CMKLR1: variants seen among roughly 807,000 people sequenced by gnomAD.
The protein encoded by CMKLR1 is chemerin chemokine-like receptor 1.
A neutral mutation model predicts 8.2 loss-of-function variants in CMKLR1; 6 were observed. The observed-to-expected ratio is 0.73, with a 90% CI of 0.40 to 1.44. The LOEUF is 1.44. Ranked by LOEUF, CMKLR1 falls within the 40% of genes most tolerant of loss-of-function variation. The probability of loss-of-function intolerance (pLI) is 0.02; values close to 1 mark genes in which losing one functional copy is unlikely to be tolerated. For synonymous variants in CMKLR1, 178 were observed against 181.2 expected (o/e 0.98, Z 0.14); for missense variants, 429 against 478.0 (o/e 0.90, Z 0.96).
intron 2 of CMKLR1, among the ~76,000 whole-genome samples, chr12:108,301,538 C>G (rs6539421): frequency 0.39 from 58,866 of 152,078 alleles, 11,599 homozygotes; most frequent in East Asian, 0.47. Context: ...CTCCACCAGC[C>G]CCCAGCTCAG....
intron 2 of CMKLR1, among the ~76,000 whole-genome samples, chr12:108,307,956 C>T (rs766294410): frequency 4.6e-5 from 7 of 152,208 alleles, no homozygotes; most frequent in Non-Finnish European, 8.8e-5. Flanking sequence ...AGGTCACAAA[C>T]AATGCCAGTT....
At chr12:108,331,936 G>T (rs1892118405) in intron 1 of CMKLR1, among the ~76,000 whole-genome samples, 1 of 152,188 alleles carries the variant, frequency 6.6e-6, no homozygotes, top group Non-Finnish European at 1.5e-5. Flanking sequence ...AGTTTGTGTT[G>T]TTTTAAGCCA....
intron 2 of CMKLR1, among the ~76,000 whole-genome samples, chr12:108,309,794 T>C (rs1445323100): frequency 6.6e-6 from 1 of 152,226 alleles, no homozygotes; most frequent in Non-Finnish European, 1.5e-5. Context: ...ATAAGCCAGT[T>C]GCAATTTGCC....
intron 1 of CMKLR1, among the ~76,000 whole-genome samples, chr12:108,337,319 TA>T (rs1386639467): frequency 6.6e-6 from 1 of 152,172 alleles, no homozygotes; most frequent in Non-Finnish European, 1.5e-5. Context: ...AGTTATTAGG[TA>T]AACATCTAAG....
At chr12:108,311,208 C>T (rs1891558449) in intron 2 of CMKLR1, among the ~76,000 whole-genome samples, 1 of 152,204 alleles carries the variant, frequency 6.6e-6, no homozygotes, top group African/African-American at 2.4e-5. Context: ...AGTTATACAG[C>T]AAAATGGCGT....
At position 108,292,450 on chromosome 12, in the gene CMKLR1, A is replaced by G. The variant is rs1891010346; in HGVS notation, c.513T>C (p.Ser171=). 6.2e-7 allele frequency: 1 copy of G among 1,613,996 alleles called. No individual in the cohort carries two copies. The highest frequency in any genetic ancestry group is 8.5e-7 in the Non-Finnish European group (1 of 1,180,016). ...MVIWVLAFFL[S]SPSLVFRDTA... ...TGTCCCGGAAGACGAGAGATGGGGA[A>G]CTCAAGAAGAAAGCCAGGACCCAGA... Residue 171 remains serine (S), a synonymous_variant, in exon 4 of 4, where the codon AGT becomes AGC. Transcript: ENST00000550402.
chr12:108,327,388 GA>G (rs1182952038), intron 2 of CMKLR1, among the ~76,000 whole-genome samples: 1 of 152,182 alleles, frequency 6.6e-6, no homozygotes, highest in East Asian at 1.9e-4. Flanking sequence ...GCTGAAGCGG[GA>G]GGATGGCTTG....
chr12:108,311,633 GA>G lies in CMKLR1; in HGVS notation c.-73-17970del, dbSNP rs112742062. Among the ~76,000 whole-genome samples the G allele has an allele frequency of 4.6e-5, 7 of 152,120 alleles. No individual in the cohort carries two copies. The East Asian group carries it at 1.4e-3, about 29-fold the overall frequency. ...AGAGCAAGACTTTGCCTCCTAAAAA[GA>G]AAAAAAGTGCCAGGGAAAGGACGCT... On this transcript the variant is annotated intron_variant, in intron 2 of 3. Coordinates refer to ENST00000550402, the MANE Select transcript of CMKLR1 (RefSeq NM_001142343.2).
chr12:108,325,983 C>T (rs1033726710), intron 2 of CMKLR1, among the ~76,000 whole-genome samples: 10 of 152,176 alleles, frequency 6.6e-5, no homozygotes, highest in Non-Finnish European at 5.9e-5. Flanking sequence ...GAAATGCTGG[C>T]GGGTGGGTGG....
At chr12:108,314,826 A>C (rs1891674348) in intron 2 of CMKLR1, among the ~76,000 whole-genome samples, 1 of 152,158 alleles carries the variant, frequency 6.6e-6, no homozygotes, top group Non-Finnish European at 1.5e-5. Flanking sequence ...TTCTGGCCTC[A>C]AGCTATCCTC....
chr12:108,327,677 A>G (rs10219473), intron 2 of CMKLR1, among the ~76,000 whole-genome samples: 66,816 of 152,046 alleles, frequency 0.44, 15,097 homozygotes, highest in Admixed American at 0.54. Context: ...AAGAGGTAGG[A>G]CTGGTCCCAG....
At chr12:108,299,603 A>G (rs1891215398) in intron 2 of CMKLR1, among the ~76,000 whole-genome samples, 1 of 152,136 alleles carries the variant, frequency 6.6e-6, no homozygotes, top group Non-Finnish European at 1.5e-5. Context: ...TCATGATGAG[A>G]TCATCCGGGA....
At chr12:108,322,020 A>G (rs1164991925) in intron 2 of CMKLR1, among the ~76,000 whole-genome samples, 2 of 152,168 alleles carry the variant, frequency 1.3e-5, no homozygotes, top group Non-Finnish European at 2.9e-5. Context: ...TTTAAAAGGA[A>G]GAGGTTGAGG....
chr12:108,300,085 G>A (rs1482179243), intron 2 of CMKLR1, among the ~76,000 whole-genome samples: 1 of 152,174 alleles, frequency 6.6e-6, no homozygotes, highest in South Asian at 2.1e-4. Context: ...CAGAATCCAG[G>A]CACCAGACAG....
At chr12:108,324,516 G>A (rs947301151) in intron 2 of CMKLR1, among the ~76,000 whole-genome samples, 11 of 152,128 alleles carry the variant, frequency 7.2e-5, no homozygotes, top group African/African-American at 1.9e-4. Flanking sequence ...CCACGCAGAC[G>A]GGAAGCCAGA....
intron 2 of CMKLR1, among the ~76,000 whole-genome samples, chr12:108,302,879 A>G (rs1346596728): frequency 6.6e-6 from 1 of 152,202 alleles, no homozygotes; most frequent in African/African-American, 2.4e-5. Context: ...AGCACAGTGA[A>G]GAAAGAAAAT....
intron 2 of CMKLR1, among the ~76,000 whole-genome samples, chr12:108,307,681 C>T (rs1206073197): frequency 6.6e-6 from 1 of 152,222 alleles, no homozygotes; most frequent in Non-Finnish European, 1.5e-5. Flanking sequence ...TCCCCAGCAT[C>T]CCTACATCCT....
chr12:108,294,939 G>T (rs916765469), intron 2 of CMKLR1, among the ~76,000 whole-genome samples: 1 of 152,170 alleles, frequency 6.6e-6, no homozygotes, highest in African/African-American at 2.4e-5. Context: ...TTAAATAAAA[G>T]CCACTTGGAA....
chr12:108,293,775 C>T, intron 2 of CMKLR1, 111 bp from the exon 3 acceptor site: 1 of 652,040 alleles, frequency 1.5e-6, no homozygotes. Context: ...TCCCATTTTA[C>T]AGAGAAGGAA....
Sources: allele counts gnomAD v4.1 joint callset (sites outside exome capture counted in the v4.1 genomes callset), GRCh38; gene constraint gnomAD v4.1.1; transcripts MANE v1.5; gene names NCBI Gene and HGNC (gene_info 2026-07-23, HGNC 2026-07-21).